The following COL4A4 variants were observed in gnomAD, a reference collection of about 807,000 sequenced individuals.
COL4A4 encodes collagen type IV alpha 4 chain, also known as collagen alpha-4(IV) chain.
A neutral mutation model predicts 192.9 loss-of-function variants in COL4A4; 105 were observed. The ratio of observed to expected loss-of-function variants is 0.54; its 90% confidence interval spans 0.46 to 0.64. COL4A4 has a LOEUF of 0.64. Ranked by LOEUF, COL4A4 falls within the 30% of genes least tolerant of loss-of-function variation. The pLI, the probability that COL4A4 is intolerant of heterozygous loss-of-function variation, is 0.00. For synonymous variants in COL4A4, 762 were observed against 769.9 expected (o/e 0.99, Z 0.17); for missense variants, 1,967 against 2,169.3 (o/e 0.91, Z 1.85).
intron 44 of COL4A4, among the ~76,000 whole-genome samples, chr2:227,015,048 G>A (rs546302864): frequency 7.9e-5 from 12 of 152,022 alleles, no homozygotes; most frequent in Admixed American, 3.3e-4. Flanking sequence ...ACAGGTGCAC[G>A]CCACCAAGCC....
chr2:227,062,564 C>T lies in COL4A4; in HGVS notation c.2022G>A (p.Gly674=). The change falls in exon 26 of 48, where the codon GGG becomes GGA. Residue 674 remains glycine, a synonymous_variant. Coordinates refer to ENST00000396625, the MANE Select transcript of COL4A4 (RefSeq NM_000092.5). ...CATCAAAACCTGGAGGGCCATGCCT[C>T]CCAGGGTAGGTTACGTTGCAAGAAA... ...DTISCNVTYP[G]RHGPPGFDGP... is the part of the protein sequence containing the mutation. The T allele has an allele frequency of 6.2e-7, 1 of 1,612,626 alleles. No individual in the cohort carries two copies. Among genetic ancestry groups the T allele is most frequent in the Non-Finnish European group, 8.5e-7 (1 of 1,178,776 alleles).
At chr2:227,109,664 T>C (rs1407232762) in intron 9 of COL4A4, among the ~76,000 whole-genome samples, 2 of 151,964 alleles carry the variant, frequency 1.3e-5, no homozygotes, top group African/African-American at 2.4e-5. Flanking sequence ...GGAGAATCGC[T>C]TGAACCAGGG....
chr2:227,147,306 G>C (rs746880196), intron 2 of COL4A4, 107 bp downstream of exon 2: 8 of 1,021,910 alleles, frequency 7.8e-6, no homozygotes, highest in Non-Finnish European at 1.2e-5. Flanking sequence ...TTTCTGGAAT[G>C]ATTTGGCTTT....
At chr2:227,110,625 C>G (rs1043301507) in intron 9 of COL4A4, among the ~76,000 whole-genome samples, 1 of 151,452 alleles carries the variant, frequency 6.6e-6, no homozygotes, top group Non-Finnish European at 1.5e-5. Context: ...TCGTGATCCA[C>G]CCGCCTCAGC....
chr2:227,025,398 C>G (rs1314072353), intron 43 of COL4A4, among the ~76,000 whole-genome samples: 2 of 152,196 alleles, frequency 1.3e-5, no homozygotes, highest in Non-Finnish European at 2.9e-5. Context: ...CAGCCCCTTA[C>G]TGGGAGGTGA....
rs569647599 is a variant in COL4A4 at position 227,084,367 on chromosome 2, G to T, written c.1624-2180C>A. Among the ~76,000 whole-genome samples the T allele has an allele frequency of 1.2e-4, 18 of 152,240 alleles. No homozygotes were observed. The South Asian group carries it at 3.5e-3, about 30-fold the overall frequency. ...TGGAATGCTTAATAAATAAGACTTT[G>T]GTACCTTGGAAGAATGAACCCATCC... On this transcript the variant is annotated intron_variant, in intron 22 of 47. Coordinates refer to ENST00000396625, the MANE Select transcript of COL4A4 (RefSeq NM_000092.5).
At chr2:227,062,744 T>A in intron 25 of COL4A4, 146 bp from the exon 26 acceptor site, 1 of 681,672 alleles carries the variant, frequency 1.5e-6, no homozygotes, top group South Asian at 1.7e-5. Context: ...TATCATTAGA[T>A]CACTTAAGCT....
chr2:227,144,819 C>G (rs1159099944), intron 2 of COL4A4, among the ~76,000 whole-genome samples: 1 of 152,098 alleles, frequency 6.6e-6, no homozygotes, highest in Non-Finnish European at 1.5e-5. Context: ...CGTGAGGACC[C>G]TCTGAAAGTG....
intron 4 of COL4A4, among the ~76,000 whole-genome samples, chr2:227,137,758 G>A (rs909360374): frequency 1.3e-5 from 2 of 152,084 alleles, no homozygotes. Flanking sequence ...TTTTGGGGTC[G>A]GCTCATCTCT....
rs1211933950 is a variant in COL4A4, at chr2:227,056,077, G to T, written c.2584C>A (p.Pro862Thr). Reference sequence around the variant, plus strand: ...CCTTTCATTCCAGCTGGCCCGGGAGGCCCCACATCTCCCGGCTGTCCTTTC... The same window carrying T: ...CCTTTCATTCCAGCTGGCCCGGGAGTCCCCACATCTCCCGGCTGTCCTTTC... ...GGKGQPGDVG[P>T]PGPAGMKGLP... The change falls in exon 30 of 48, where the codon CCT (proline) becomes ACT (threonine). Residue 862 changes from proline to threonine, a missense_variant. Physicochemically the swap from Pro to Thr is conservative, Grantham distance 38. Coordinates refer to ENST00000396625, the MANE Select transcript of COL4A4 (RefSeq NM_000092.5). 6.2e-7 allele frequency: 1 copy of T among 1,613,996 alleles called. No individual in the cohort carries two copies. Among genetic ancestry groups the T allele is most frequent in the Non-Finnish European group, 8.5e-7 (1 of 1,179,988 alleles).
chr2:227,120,514 C>T (rs1470281888), intron 5 of COL4A4, among the ~76,000 whole-genome samples: 1 of 152,036 alleles, frequency 6.6e-6, no homozygotes, highest in South Asian at 2.1e-4. Flanking sequence ...ACTGGGTACA[C>T]ACATGTATTT....
the COL4A4 span, among the ~76,000 whole-genome samples, chr2:226,991,335 C>T: frequency 3.3e-5 from 5 of 152,216 alleles, no homozygotes; most frequent in African/African-American, 9.7e-5. Flanking sequence ...GCCCAAGCCA[C>T]CACACCCAGC....
chr2:227,132,732 C>T (rs2062561228), intron 4 of COL4A4, among the ~76,000 whole-genome samples: 1 of 152,032 alleles, frequency 6.6e-6, no homozygotes, highest in South Asian at 2.1e-4. Context: ...GCCAAGATTG[C>T]ACCACTGCAC....
At chr2:227,039,638 A>G (rs187045759) in intron 37 of COL4A4, among the ~76,000 whole-genome samples, 1 of 152,272 alleles carries the variant, frequency 6.6e-6, no homozygotes, top group East Asian at 1.9e-4. Flanking sequence ...GTGTTACTAA[A>G]CTGGGAGGGT....
At chr2:227,127,073 A>G (rs2062132218) in intron 4 of COL4A4, among the ~76,000 whole-genome samples, 1 of 152,248 alleles carries the variant, frequency 6.6e-6, no homozygotes, top group African/African-American at 2.4e-5. Context: ...ACCACCAACA[A>G]TAACCTGCTA....
intron 4 of COL4A4, 127 bp downstream of exon 4, chr2:227,140,034 G>A (rs559619468): frequency 4.4e-5 from 34 of 770,646 alleles, no homozygotes; most frequent in African/African-American, 2.9e-4. Flanking sequence ...GAAAAACTTC[G>A]GCTGTGAAAT....
Position 227,088,949 on chromosome 2 carries a change from G to C in COL4A4, c.1460-133C>G. On this transcript the variant is annotated intron_variant, in intron 21 of 47. Transcript: ENST00000396625. Reference sequence around the variant, plus strand: ...ATGCACTTCTTGCAGACAATTGAGAGCACGTGCTGTGGGGGCTGGGTGTGG... The same window carrying C: ...ATGCACTTCTTGCAGACAATTGAGACCACGTGCTGTGGGGGCTGGGTGTGG... The C allele has an allele frequency of 8.4e-6, 9 of 1,074,262 alleles. No individual in the cohort carries two copies. In the South Asian group the frequency reaches 1.2e-4, roughly 15 times the overall value. The allele number at this position is 1,074,262 out of a possible 1,614,324, so 66.5% of individuals were successfully genotyped here.
intron 45 of COL4A4, among the ~76,000 whole-genome samples, chr2:227,010,826 AAAGTT>A (rs1456430754): frequency 2.0e-5 from 3 of 152,334 alleles, no homozygotes; most frequent in East Asian, 3.9e-4. Flanking sequence ...AGCATAACAA[AAAGTT>A]AAGTTATGAA....
chr2:226,987,143 CAG>C, the COL4A4 span, among the ~76,000 whole-genome samples: 1 of 152,084 alleles, frequency 6.6e-6, no homozygotes, highest in Non-Finnish European at 1.5e-5. Context: ...CACATGGACA[CAG>C]AGAGGGGAAC....
Sources: allele counts gnomAD v4.1 joint callset (sites outside exome capture counted in the v4.1 genomes callset), GRCh38; gene constraint gnomAD v4.1.1; transcripts MANE v1.5; gene names NCBI Gene and HGNC (gene_info 2026-07-23, HGNC 2026-07-21).